The following SMAD3 variants were observed in gnomAD, a reference collection of about 807,000 sequenced individuals.
The protein encoded by SMAD3 is SMAD family member 3, also known as MAD homolog 3.
In SMAD3, 12 loss-of-function variants were observed where a neutral mutation model predicts 51.8. The ratio of observed to expected loss-of-function variants is 0.23; its 90% CI spans 0.15 to 0.38. The LOEUF is 0.38. Among genes scored for constraint, SMAD3 ranks in the 10% least tolerant of loss-of-function variants. SMAD3 has a pLI of 1.00. For missense variants in SMAD3, 294 were observed against 565.6 expected, an observed-to-expected ratio of 0.52 and a Z score of 4.87; for synonymous variants, 238 against 227.7, an observed-to-expected ratio of 1.05 and a Z score of -0.41.
At chr15:67,094,454 C>G (rs1270082484) in intron 1 of SMAD3, among the ~76,000 whole-genome samples, 1 of 152,174 alleles carries the variant, frequency 6.6e-6, no homozygotes, top group African/African-American at 2.4e-5. Flanking sequence ...CTTATTCAAA[C>G]TCTGCTCAAA....
intron 1 of SMAD3, among the ~76,000 whole-genome samples, chr15:67,069,831 G>C (rs1057103126): frequency 6.6e-6 from 1 of 152,006 alleles, no homozygotes. Flanking sequence ...TCAGCCTCCC[G>C]AGTAGCTGGG....
intron 1 of SMAD3, among the ~76,000 whole-genome samples, chr15:67,085,337 T>C (rs1476583413): frequency 6.6e-6 from 1 of 152,180 alleles, no homozygotes; most frequent in East Asian, 1.9e-4. Context: ...GTGAGTCACT[T>C]TTCTGCCCTG....
At chr15:67,085,610 G>A (rs115591196) in intron 1 of SMAD3, among the ~76,000 whole-genome samples, 2,169 of 152,246 alleles carry the variant, frequency 0.014, 53 homozygotes, top group African/African-American at 0.05. Context: ...GCAATTGGTT[G>A]TTGGTGTTAC....
intron 1 of SMAD3, among the ~76,000 whole-genome samples, chr15:67,150,722 A>G (rs1039761390): frequency 2.6e-5 from 4 of 151,186 alleles, no homozygotes; most frequent in African/African-American, 9.7e-5. Flanking sequence ...GTGAAGTTGA[A>G]CTAATAGTGA....
rs79404191 is a variant in SMAD3 at position 67,090,810 on chromosome 15, G to A, written c.206+24450G>A. The stretch of plus-strand genomic sequence containing the variant: ...TTTGACTTGGGTCTGAAAGTAACCC[G>A]TGACAGCAGTAAGCCTCTCGATCTG... On this transcript the variant is annotated intron_variant, in intron 1 of 8. Transcript: ENST00000327367. 3.5e-3 allele frequency among the ~76,000 whole-genome samples: 536 copies of A among 152,298 alleles called. 13 individuals carry two copies. In the East Asian group the frequency reaches 0.066, roughly 19 times the overall value.
chr15:67,165,142 T>A (rs1962544153), intron 2 of SMAD3, 54 bp downstream of exon 2: 1 of 1,609,422 alleles, frequency 6.2e-7, no homozygotes, highest in Non-Finnish European at 8.5e-7. Context: ...TCATCACCTC[T>A]CCCCGGCTCC....
chr15:67,131,741 C>A (rs1024901537), intron 1 of SMAD3, among the ~76,000 whole-genome samples: 1 of 152,144 alleles, frequency 6.6e-6, no homozygotes, highest in African/African-American at 2.4e-5. Context: ...TCAAATGAAG[C>A]CCGATTTGCC....
At chr15:67,176,873 T>C (rs1962912463) in intron 5 of SMAD3, among the ~76,000 whole-genome samples, 1 of 152,160 alleles carries the variant, frequency 6.6e-6, no homozygotes, top group South Asian at 2.1e-4. Flanking sequence ...CTCAGAAATC[T>C]GGCCAGGAGC....
At chr15:67,068,368 G>A (rs1378145042) in intron 1 of SMAD3, among the ~76,000 whole-genome samples, 1 of 152,192 alleles carries the variant, frequency 6.6e-6, no homozygotes, top group Non-Finnish European at 1.5e-5. Flanking sequence ...TTGTATGTGC[G>A]GTTGCTTCTT....
At chr15:67,072,607 C>G (rs906710558) in intron 1 of SMAD3, among the ~76,000 whole-genome samples, 3 of 152,236 alleles carry the variant, frequency 2.0e-5, no homozygotes, top group African/African-American at 7.2e-5. Flanking sequence ...GGCAAGAGAA[C>G]TGCCCAAGAA....
rs541198423 is a variant in SMAD3 at position 67,088,034 on chromosome 15, G to A, written c.206+21674G>A. 9.2e-5 allele frequency among the ~76,000 whole-genome samples: 14 copies of A among 152,296 alleles called. No individual in the cohort carries two copies. The East Asian group carries it at 1.5e-3, about 17-fold the overall frequency. On this transcript the variant is annotated intron_variant, in intron 1 of 8. Coordinates refer to ENST00000327367, the MANE Select transcript of SMAD3 (RefSeq NM_005902.4). ...TTGACAGCTCAGATGTGATCACTCC[G>A]TCTCAACTAGAAGAATAAAAATAAA...
At chr15:67,131,581 G>T (rs188799561) in intron 1 of SMAD3, among the ~76,000 whole-genome samples, 1 of 152,142 alleles carries the variant, frequency 6.6e-6, no homozygotes, top group Admixed American at 6.5e-5. Flanking sequence ...TCCCAGTCCC[G>T]CTGTAAAGAG....
chr15:67,122,431 G>A (rs966678057), intron 1 of SMAD3, among the ~76,000 whole-genome samples: 1 of 152,134 alleles, frequency 6.6e-6, no homozygotes, highest in African/African-American at 2.4e-5. Context: ...CTTTCCGTAC[G>A]GTAATCCTTT....
At position 67,192,167 on chromosome 15, in the gene SMAD3, A is replaced by G. The variant is rs1963383015; in HGVS notation, c.*1631A>G. On this transcript the variant is annotated 3_prime_UTR_variant, in exon 9 of 9. Transcript: ENST00000327367. ...TGTATATACTTTTGGCAAGTCATAC[A>G]GCTCAAATGTGATGAGATTTCTGAT... is the stretch of plus-strand genomic sequence containing the variant. The G allele has an allele frequency of 4.3e-6, 1 of 232,782 alleles. No individual in the cohort carries two copies. The highest frequency in any genetic ancestry group is 8.5e-6 in the Non-Finnish European group (1 of 117,404). 14.4% of individuals were successfully genotyped at this position (232,782 alleles called of 1,614,324 possible).
intron 1 of SMAD3, among the ~76,000 whole-genome samples, chr15:67,076,761 CA>C (rs1960179897): frequency 6.6e-6 from 1 of 152,236 alleles, no homozygotes; most frequent in Non-Finnish European, 1.5e-5. Context: ...CTGACCCTTC[CA>C]GTTCCCTGCA....
Position 67,069,830 on chromosome 15 carries a change from C to T in SMAD3, c.206+3470C>T, listed in dbSNP as rs187142805. Among the ~76,000 whole-genome samples the T allele has an allele frequency of 1.9e-3, 292 of 152,078 alleles. 1 individual carries two copies. The highest frequency in any genetic ancestry group is 6.3e-3 in the African/African-American group (263 of 41,482). ...AAGCGATTCTTGTGCCTCAGCCTCC[C>T]GAGTAGCTGGGATTACAGGCGCCCG... On this transcript the variant is annotated intron_variant, in intron 1 of 8. Coordinates refer to ENST00000327367, the MANE Select transcript of SMAD3 (RefSeq NM_005902.4).
Position 67,192,032 on chromosome 15 carries a change from C to T in SMAD3, c.*1496C>T, listed in dbSNP as rs1483102977. Reference sequence around the variant, plus strand: ...TCAATTGGTACTTTATTCTTTGCTGCTGTTTTTGTATAAAATGACCTATCC... The same window carrying T: ...TCAATTGGTACTTTATTCTTTGCTGTTGTTTTTGTATAAAATGACCTATCC... On this transcript the variant is annotated 3_prime_UTR_variant, in exon 9 of 9. Coordinates refer to ENST00000327367, the MANE Select transcript of SMAD3 (RefSeq NM_005902.4). The T allele has an allele frequency of 4.3e-6, 1 of 231,620 alleles. No homozygotes were observed. The highest frequency in any genetic ancestry group is 8.6e-6 in the Non-Finnish European group (1 of 116,802). The allele number at this position is 231,620 out of a possible 1,614,324, so 14.3% of individuals were successfully genotyped here.
At chr15:67,144,250 A>G (rs570404391) in intron 1 of SMAD3, among the ~76,000 whole-genome samples, 29 of 152,144 alleles carry the variant, frequency 1.9e-4, no homozygotes, top group African/African-American at 6.3e-4. Flanking sequence ...GAATCATACT[A>G]TATGTATGAC....
chr15:67,165,203 C>T (rs1014900494), intron 2 of SMAD3, 50 bp from the exon 3 acceptor site: 1 of 1,613,934 alleles, frequency 6.2e-7, no homozygotes, highest in Non-Finnish European at 8.5e-7. Flanking sequence ...GACTTTGGTG[C>T]TGGTCTGGCA....
Sources: gnomAD v4.1 joint callset for allele counts (sites outside exome capture counted in the v4.1 genomes callset) on GRCh38, gnomAD v4.1.1 for gene constraint, MANE v1.5 for transcripts, NCBI Gene and HGNC (gene_info 2026-07-23, HGNC 2026-07-21) for gene names.